The following AUTS2 variants were observed in gnomAD, a reference collection of about 807,000 sequenced individuals.
AUTS2 encodes activator of transcription and developmental regulator AUTS2.
In AUTS2, 17 loss-of-function variants were observed where a neutral mutation model predicts 112.4. The observed-to-expected ratio is 0.15, with a 90% CI of 0.10 to 0.23. The LOEUF (loss-of-function observed/expected upper bound fraction) is 0.23, where lower values mean the gene tolerates loss of function less well. AUTS2 is among the 10% of genes least tolerant of loss of function. AUTS2 has a pLI of 1.00. For synonymous variants in AUTS2, 751 were observed against 702.7 expected, an observed-to-expected ratio of 1.07 and a Z score of -1.09; for missense variants, 1,510 against 1,701.6, an observed-to-expected ratio of 0.89 and a Z score of 1.98.
intron 5 of AUTS2, among the ~76,000 whole-genome samples, chr7:70,485,811 A>G (rs911263157): frequency 6.6e-6 from 1 of 151,964 alleles, no homozygotes; most frequent in East Asian, 1.9e-4. Context: ...GTTCATTTCC[A>G]TCCAGCGAGG....
chr7:70,325,222 A>G (rs1398689160), intron 4 of AUTS2, among the ~76,000 whole-genome samples: 2 of 152,036 alleles, frequency 1.3e-5, no homozygotes, highest in African/African-American at 4.8e-5. Flanking sequence ...TCTTTGAGAG[A>G]CTGAGGCGGG....
At chr7:70,422,774 T>C (rs923306116) in intron 4 of AUTS2, among the ~76,000 whole-genome samples, 2 of 151,784 alleles carry the variant, frequency 1.3e-5, no homozygotes, top group African/African-American at 4.8e-5. Context: ...AGACTCTGTC[T>C]CAAGAAAAAA....
chr7:69,599,739 G>T lies in AUTS2; in HGVS notation c.86G>T (p.Gly29Val). Residue 29 changes from glycine to valine, a missense_variant, in exon 1 of 19, where the codon GGG becomes GTG. Physicochemically the swap from Gly to Val is moderately radical, Grantham distance 109. Coordinates refer to ENST00000342771, the MANE Select transcript of AUTS2 (RefSeq NM_015570.4). This position sits in a 1 kb window ranked among gnomAD's most constrained non-coding sequence, Gnocchi z 7.0. ...GACCGGGAGAGGCGCTCCCGGGGCGGGCTGGGGGCCGGCGCGGCCGGCGGC... is the reference window on the plus strand; with the variant it reads ...GACCGGGAGAGGCGCTCCCGGGGCGTGCTGGGGGCCGGCGCGGCCGGCGGC... The part of the protein sequence containing the change: ...QRDRERRSRG[G>V]LGAGAAGGGG... 7.4e-7 allele frequency: 1 copy of T among 1,348,744 alleles called. No homozygotes were observed. The highest frequency in any genetic ancestry group is 9.5e-7 in the Non-Finnish European group (1 of 1,055,020). The allele number at this position is 1,348,744 out of a possible 1,614,324, so 83.5% of individuals were successfully genotyped here.
chr7:70,228,394 TTTTG>T (rs1811879612), intron 4 of AUTS2, among the ~76,000 whole-genome samples: 1 of 151,856 alleles, frequency 6.6e-6, no homozygotes. Context: ...AATCTCTTTT[TTTTG>T]AATTTTAAAT....
intron 4 of AUTS2, among the ~76,000 whole-genome samples, chr7:70,361,048 A>C (rs1792236539): frequency 6.6e-6 from 1 of 152,172 alleles, no homozygotes; most frequent in Non-Finnish European, 1.5e-5. Flanking sequence ...AGCCTCCCAT[A>C]TAAAAATCGA....
intron 1 of AUTS2, among the ~76,000 whole-genome samples, chr7:69,621,144 T>G (rs893078601): frequency 6.6e-6 from 1 of 152,206 alleles, no homozygotes; most frequent in African/African-American, 2.4e-5. Context: ...CATGTAATTC[T>G]CACAGAGTGG....
intron 5 of AUTS2, among the ~76,000 whole-genome samples, chr7:70,447,986 C>T (rs1796384322): frequency 6.6e-6 from 1 of 152,088 alleles, no homozygotes; most frequent in South Asian, 2.1e-4. Flanking sequence ...TATGTTGAAT[C>T]ATGTTCTTTA....
chr7:70,462,868 G>C (rs905924116), intron 5 of AUTS2, among the ~76,000 whole-genome samples: 6 of 151,998 alleles, frequency 3.9e-5, no homozygotes, highest in African/African-American at 1.4e-4. Flanking sequence ...GAGGCAGGGA[G>C]AATTGCTTGA....
At chr7:70,295,266 C>A (rs1788881037) in intron 4 of AUTS2, among the ~76,000 whole-genome samples, 1 of 152,140 alleles carries the variant, frequency 6.6e-6, no homozygotes. Context: ...TTCTAGTGGC[C>A]TCCAAGAGTT....
rs568173929 is a variant in AUTS2 at position 70,544,430 on chromosome 7, A to G, written c.690+108649A>G. 4.6e-5 allele frequency among the ~76,000 whole-genome samples: 7 copies of G among 152,094 alleles called. No individual in the cohort carries two copies. The East Asian group carries it at 7.8e-4, about 17-fold the overall frequency. Reference sequence around the variant, plus strand: ...TGGAGATCTTGGTTTATTCATTCCAACTAGTTAGGCCGAGAAATGATACAC... The same window carrying G: ...TGGAGATCTTGGTTTATTCATTCCAGCTAGTTAGGCCGAGAAATGATACAC... On this transcript the variant is annotated intron_variant, in intron 5 of 18. Coordinates refer to ENST00000342771, the MANE Select transcript of AUTS2 (RefSeq NM_015570.4).
At chr7:70,015,508 T>G (rs1799986863) in intron 2 of AUTS2, among the ~76,000 whole-genome samples, 1 of 152,234 alleles carries the variant, frequency 6.6e-6, no homozygotes, top group Non-Finnish European at 1.5e-5. Context: ...TGTAGTATAA[T>G]AACTTCCCCA....
chr7:70,515,617 G>A lies in AUTS2; in HGVS notation c.690+79836G>A, dbSNP rs76047724. 3.4e-3 allele frequency among the ~76,000 whole-genome samples: 518 copies of A among 152,192 alleles called. 4 individuals carry two copies. Among genetic ancestry groups the A allele is most frequent in the African/African-American group, 0.012 (497 of 41,526 alleles). Reference sequence around the variant, plus strand: ...CGAGACCCAGGGGGACATTCTGCCAGCCATTGACAGATCTTAATTCTCCCT... The same window carrying A: ...CGAGACCCAGGGGGACATTCTGCCAACCATTGACAGATCTTAATTCTCCCT... On this transcript the variant is annotated intron_variant, in intron 5 of 18. Coordinates refer to ENST00000342771, the MANE Select transcript of AUTS2 (RefSeq NM_015570.4).
chr7:70,626,358 TAA>T (rs10572995), intron 5 of AUTS2, among the ~76,000 whole-genome samples: 29,520 of 112,426 alleles, frequency 0.26, 4,219 homozygotes, highest in East Asian at 0.46. Context: ...ACCTTGTTTC[TAA>T]AAAAAAAAAA....
At position 70,766,250 on chromosome 7, in the gene AUTS2, C is replaced by T; in HGVS notation, c.1605C>T (p.His535=). The change falls in exon 9 of 19, where the codon CAC becomes CAT. Residue 535 remains histidine (H), a synonymous_variant. Coordinates refer to ENST00000342771, the MANE Select transcript of AUTS2 (RefSeq NM_015570.4). The surrounding 1 kb of genome is among the most constrained non-coding windows in gnomAD (Gnocchi z 4.8). ...ACCAGCACCAGCACCAGCACACCCA[C>T]CAGCACACGCACCAGCACACCTTCA... is the stretch of plus-strand genomic sequence containing the variant. ...HQHQHQHQHT[H]QHTHQHTFTP... The T allele has an allele frequency of 6.2e-7, 1 of 1,614,082 alleles. No individual in the cohort carries two copies. The highest frequency in any genetic ancestry group is 8.5e-7 in the Non-Finnish European group (1 of 1,180,010).
intron 2 of AUTS2, among the ~76,000 whole-genome samples, chr7:70,046,005 G>A (rs1161755696): frequency 1.3e-5 from 2 of 152,074 alleles, no homozygotes; most frequent in African/African-American, 4.8e-5. Flanking sequence ...AGTACACTCA[G>A]TAAAACCTTC....
chr7:69,949,535 A>G (rs1044599220), intron 2 of AUTS2, among the ~76,000 whole-genome samples: 1 of 152,248 alleles, frequency 6.6e-6, no homozygotes, highest in East Asian at 1.9e-4. Context: ...GCCTTGCACA[A>G]TAAACTACAT....
intron 4 of AUTS2, among the ~76,000 whole-genome samples, chr7:70,216,316 A>T (rs560461002): frequency 6.6e-6 from 1 of 152,340 alleles, no homozygotes; most frequent in South Asian, 2.1e-4. Context: ...TCTCAGCCCT[A>T]CTACTTGCTT....
intron 4 of AUTS2, among the ~76,000 whole-genome samples, chr7:70,358,450 A>G (rs1011689078): frequency 2.6e-5 from 4 of 152,086 alleles, no homozygotes; most frequent in African/African-American, 7.2e-5. Context: ...CATACATCCA[A>G]GCTCCACCCA....
intron 1 of AUTS2, among the ~76,000 whole-genome samples, chr7:69,635,300 T>TACCTACCATAGGGCTCACTC (rs1454790011): frequency 6.6e-6 from 1 of 152,224 alleles, no homozygotes; most frequent in Non-Finnish European, 1.5e-5. Flanking sequence ...GTTCATGCTT[T>TACCTACCATAGGGCTCACTC]ACCTACCATA....
Sources: gnomAD v4.1 joint callset for allele counts (sites outside exome capture counted in the v4.1 genomes callset) on GRCh38, gnomAD v4.1.1 for gene constraint, Gnocchi (gnomAD v3.1) non-coding constraint, MANE v1.5 for transcripts, NCBI Gene and HGNC (gene_info 2026-07-23, HGNC 2026-07-21) for gene names.